Variants in KCNIP1 observed in about 807,000 individuals in gnomAD.
The protein encoded by KCNIP1 is potassium voltage-gated channel interacting protein 1.
In KCNIP1, 18 loss-of-function variants were observed where a neutral mutation model predicts 33.0. The observed-to-expected ratio is 0.55, with a 90% CI of 0.38 to 0.81. The LOEUF is 0.81. Ranked by LOEUF, KCNIP1 falls within the 30% of genes least tolerant of loss-of-function variation. The pLI is 0.00. For synonymous variants in KCNIP1, 93 were observed against 98.3 expected (o/e 0.95, Z 0.32); for missense variants, 238 against 271.6 (o/e 0.88, Z 0.87).
intron 1 of KCNIP1, among the ~76,000 whole-genome samples, chr5:170,625,688 CA>C (rs1290761002): frequency 6.6e-6 from 1 of 152,204 alleles, no homozygotes; most frequent in Non-Finnish European, 1.5e-5. Context: ...CAGGGCTGCC[CA>C]GCTACTTCCC....
intron 1 of KCNIP1, among the ~76,000 whole-genome samples, chr5:170,443,113 G>A (rs1756030590): frequency 6.6e-6 from 1 of 152,144 alleles, no homozygotes; most frequent in African/African-American, 2.4e-5. Context: ...TAAAGCAGGG[G>A]TTCCATGGTA....
At chr5:170,382,110 G>T (rs3804241) in intron 1 of KCNIP1, among the ~76,000 whole-genome samples, 7 of 152,170 alleles carry the variant, frequency 4.6e-5, no homozygotes, top group African/African-American at 7.2e-5. Flanking sequence ...GCCACATCTT[G>T]GTCGTGAGTG....
At chr5:170,619,740 C>T (rs1028129799) in intron 1 of KCNIP1, among the ~76,000 whole-genome samples, 3 of 152,206 alleles carry the variant, frequency 2.0e-5, no homozygotes, top group African/African-American at 7.2e-5. Flanking sequence ...CCTTAATAAA[C>T]TTCTTGCCTT....
intron 1 of KCNIP1, among the ~76,000 whole-genome samples, chr5:170,564,173 CA>C (rs1434034287): frequency 6.6e-6 from 1 of 152,162 alleles, no homozygotes; most frequent in Non-Finnish European, 1.5e-5. Flanking sequence ...CTTATGTTAT[CA>C]TTTTTAATTT....
rs138080917 is a variant in KCNIP1 at position 170,487,665 on chromosome 5, G to A, written c.88+133701G>A. Reference sequence around the variant, plus strand: ...GCCCCTCGAGTAGCTGGAACCACAGGCGCATGCCACCAAATCCAGCTAATT... The same window carrying A: ...GCCCCTCGAGTAGCTGGAACCACAGACGCATGCCACCAAATCCAGCTAATT... On this transcript the variant is annotated intron_variant, in intron 1 of 7. Coordinates refer to the KCNIP1 transcript ENST00000377360. Among the ~76,000 whole-genome samples, 227 of 152,038 alleles carry A rather than the reference G, an allele frequency of 1.5e-3. 1 individual carries two copies. The highest frequency in any genetic ancestry group is 3.1e-3 in the South Asian group (15 of 4,808).
intron 1 of KCNIP1, among the ~76,000 whole-genome samples, chr5:170,665,083 A>C (rs1180546175): frequency 2.0e-5 from 3 of 152,196 alleles, no homozygotes; most frequent in Non-Finnish European, 2.9e-5. Context: ...TGGAAGCCCG[A>C]ACCCCCAGAA....
chr5:170,482,868 G>T lies in KCNIP1; in HGVS notation c.88+128904G>T, dbSNP rs567267421. ...GTGATGTTTAGAGGTATGAGTTTGG[G>T]ACAATTATCAGGAGAAGCATTTTGG... On this transcript the variant is annotated intron_variant, in intron 1 of 7. Transcript: ENST00000377360. Among the ~76,000 whole-genome samples the T allele has an allele frequency of 2.7e-3, 410 of 152,278 alleles. 2 individuals are homozygous for T. Among genetic ancestry groups the T allele is most frequent in the Non-Finnish European group, 4.4e-3 (297 of 68,026 alleles).
At chr5:170,361,870 TA>T (rs1763521782) in intron 1 of KCNIP1, among the ~76,000 whole-genome samples, 1 of 152,118 alleles carries the variant, frequency 6.6e-6, no homozygotes, top group African/African-American at 2.4e-5. Context: ...CACCTTCAAA[TA>T]CCATCACCTC....
intron 1 of KCNIP1, among the ~76,000 whole-genome samples, chr5:170,658,027 G>A (rs1387354361): frequency 3.9e-5 from 6 of 152,206 alleles, no homozygotes; most frequent in Non-Finnish European, 7.3e-5. Context: ...CTAGAGGGAG[G>A]AGGTATTACC....
intron 1 of KCNIP1, among the ~76,000 whole-genome samples, chr5:170,537,851 TAC>T (rs1756053810): frequency 6.6e-6 from 1 of 152,250 alleles, no homozygotes. Context: ...TACACCACTG[TAC>T]ACAGTCCTTT....
intron 1 of KCNIP1, among the ~76,000 whole-genome samples, chr5:170,512,129 A>G (rs975704920): frequency 9.2e-5 from 14 of 152,168 alleles, no homozygotes; most frequent in African/African-American, 3.4e-4. Context: ...AGGATTAAAC[A>G]TCTCTCCTCT....
intron 1 of KCNIP1, among the ~76,000 whole-genome samples, chr5:170,485,301 C>A (rs1034394390): frequency 1.3e-5 from 2 of 152,220 alleles, no homozygotes; most frequent in Non-Finnish European, 2.9e-5. Context: ...GGTCTTGGGC[C>A]TGGAAGGGAG....
At chr5:170,492,610 A>T (rs889675685) in intron 1 of KCNIP1, among the ~76,000 whole-genome samples, 1 of 152,144 alleles carries the variant, frequency 6.6e-6, no homozygotes, top group Admixed American at 6.5e-5. Context: ...CTTTTTGGTG[A>T]CCAGCCCAAT....
At chr5:170,516,775 C>A (rs533967192) in intron 1 of KCNIP1, among the ~76,000 whole-genome samples, 2 of 152,330 alleles carry the variant, frequency 1.3e-5, no homozygotes, top group African/African-American at 4.8e-5. Flanking sequence ...CCCCTTTCTG[C>A]ATATCAGCTT....
At chr5:170,546,399 C>T (rs568178192) in intron 1 of KCNIP1, among the ~76,000 whole-genome samples, 170 of 152,308 alleles carry the variant, frequency 1.1e-3, no homozygotes, top group African/African-American at 3.8e-3. Context: ...GTGTCCTATG[C>T]GTTAAAGCCA....
chr5:170,387,760 T>C (rs1386496099), intron 1 of KCNIP1, among the ~76,000 whole-genome samples: 1 of 152,186 alleles, frequency 6.6e-6, no homozygotes, highest in East Asian at 1.9e-4. Context: ...TGAACAAGAC[T>C]CTCCATGTAT....
chr5:170,663,203 C>T (rs1311498552), intron 1 of KCNIP1, among the ~76,000 whole-genome samples: 1 of 152,194 alleles, frequency 6.6e-6, no homozygotes, highest in Non-Finnish European at 1.5e-5. Context: ...CTCGGAATGA[C>T]TTGTCCATGG....
intron 1 of KCNIP1, among the ~76,000 whole-genome samples, chr5:170,433,891 C>T (rs1003344747): frequency 2.6e-5 from 4 of 152,152 alleles, no homozygotes; most frequent in African/African-American, 9.7e-5. Context: ...GGACCCTCTT[C>T]CAGGCCCACC....
intron 1 of KCNIP1, chr5:170,679,205 C>T (rs1466021921): frequency 1.3e-5 from 2 of 152,208 alleles, no homozygotes; most frequent in African/African-American, 4.8e-5. Context: ...GGTGTCAACA[C>T]CCTACCATGG....
Sources: allele counts gnomAD v4.1 joint callset (sites outside exome capture counted in the v4.1 genomes callset), GRCh38; gene constraint gnomAD v4.1.1; transcripts MANE v1.5; gene names NCBI Gene and HGNC (gene_info 2026-07-23, HGNC 2026-07-21).